The following COL25A1 variants were observed in gnomAD, a reference collection of about 807,000 sequenced individuals.
The protein encoded by COL25A1 is collagen alpha-1(XXV) chain.
In COL25A1, 103 loss-of-function variants were observed where a neutral mutation model predicts 128.4. The observed-to-expected ratio is 0.80, with a 90% CI of 0.68 to 0.94. The LOEUF (loss-of-function observed/expected upper bound fraction) is 0.94, where lower values mean the gene tolerates loss of function less well. COL25A1 is among the 40% of genes least tolerant of loss of function. The pLI is 0.00. For missense variants in COL25A1, 745 were observed against 840.0 expected (o/e 0.89, Z 1.40); for synonymous variants, 279 against 277.2 (o/e 1.01, Z -0.06).
chr4:108,997,138 G>A (rs1298117862), intron 6 of COL25A1, among the ~76,000 whole-genome samples: 1 of 152,174 alleles, frequency 6.6e-6, no homozygotes, highest in Non-Finnish European at 1.5e-5. Context: ...GAGCAGAACT[G>A]AAGGAGATAG....
chr4:108,876,361 C>G (rs1739454150), intron 19 of COL25A1, among the ~76,000 whole-genome samples: 2 of 151,910 alleles, frequency 1.3e-5, no homozygotes, highest in Non-Finnish European at 2.9e-5. Flanking sequence ...TAGAGAGGAA[C>G]AGGCATTTAA....
intron 3 of COL25A1, among the ~76,000 whole-genome samples, chr4:109,165,091 A>G (rs1772939821): frequency 6.6e-6 from 1 of 152,232 alleles, no homozygotes; most frequent in South Asian, 2.1e-4. Context: ...CTTTGCACAT[A>G]GAACTAGACT....
intron 3 of COL25A1, among the ~76,000 whole-genome samples, chr4:109,114,222 A>G (rs990389543): frequency 6.6e-6 from 1 of 152,058 alleles, no homozygotes; most frequent in Non-Finnish European, 1.5e-5. Context: ...TTTACAAGTA[A>G]TATTCCATCA....
chr4:108,815,323 C>T (rs1177405340), intron 37 of COL25A1, among the ~76,000 whole-genome samples: 1 of 151,930 alleles, frequency 6.6e-6, no homozygotes, highest in Non-Finnish European at 1.5e-5. Context: ...GTGATACACC[C>T]AAAAATAGGA....
In COL25A1 at chr4:109,302,507, C is replaced by T. The variant is rs770098595; in HGVS notation, c.-395G>A. On this transcript the variant is annotated 5_prime_UTR_variant, in exon 1 of 38. In the 5' UTR this introduces an upstream ATG that the reference lacks. Coordinates refer to ENST00000399132, the MANE Select transcript of COL25A1 (RefSeq NM_198721.4). ...TTTCGGCACGCCGACCTGTTTCCCA[C>T]CTGCATTCAGTTCAAGGCAAAAAGG... 22 of 163,836 alleles carry T rather than the reference C, an allele frequency of 1.3e-4. No homozygotes were observed. Among genetic ancestry groups the T allele is most frequent in the Non-Finnish European group, 2.8e-4 (21 of 76,140 alleles). The allele number at this position is 163,836 out of a possible 1,614,324, so 10.1% of individuals were successfully genotyped here. A position where few individuals can be genotyped will look rare whatever the true frequency, so the allele number is the denominator to read the frequency against.
At chr4:109,092,956 A>C (rs1043080473) in intron 3 of COL25A1, among the ~76,000 whole-genome samples, 2 of 152,156 alleles carry the variant, frequency 1.3e-5, no homozygotes, top group African/African-American at 4.8e-5. Flanking sequence ...ATTGAAGGTT[A>C]AATGTACTAT....
chr4:109,246,871 G>T (rs145039957), intron 3 of COL25A1, among the ~76,000 whole-genome samples: 30 of 152,210 alleles, frequency 2.0e-4, no homozygotes, highest in African/African-American at 7.2e-4. Context: ...CGTGGAAAAT[G>T]CACAAAATAT....
intron 6 of COL25A1, among the ~76,000 whole-genome samples, chr4:108,991,496 A>G (rs1257345670): frequency 2.0e-5 from 3 of 152,198 alleles, no homozygotes; most frequent in African/African-American, 7.2e-5. Context: ...ATTCTAATAT[A>G]TTAAGACTTT....
At chr4:108,945,310 T>C (rs1748593577) in intron 8 of COL25A1, among the ~76,000 whole-genome samples, 1 of 152,196 alleles carries the variant, frequency 6.6e-6, no homozygotes. Context: ...AGGTAGACAC[T>C]GACTCTGCTT....
At chr4:108,927,104 G>A (rs1325155601) in intron 11 of COL25A1, among the ~76,000 whole-genome samples, 1 of 152,050 alleles carries the variant, frequency 6.6e-6, no homozygotes, top group Admixed American at 6.6e-5. Flanking sequence ...ATTTTCCCAA[G>A]AAGTCCATAT....
chr4:109,111,466 T>C (rs1767011905), intron 3 of COL25A1, among the ~76,000 whole-genome samples: 2 of 152,222 alleles, frequency 1.3e-5, no homozygotes, highest in Non-Finnish European at 2.9e-5. Context: ...ACAACCTGTT[T>C]GTTTTTCTGG....
chr4:108,852,998 A>G, intron 24 of COL25A1, 73 bp from the exon 25 acceptor site: 1 of 1,359,324 alleles, frequency 7.4e-7, no homozygotes, highest in Non-Finnish European at 1.0e-6. Flanking sequence ...ACATTTGTGA[A>G]ATAATCAACT....
chr4:109,203,618 AG>A (rs1776746319), intron 3 of COL25A1, among the ~76,000 whole-genome samples: 1 of 152,176 alleles, frequency 6.6e-6, no homozygotes, highest in African/African-American at 2.4e-5. Context: ...ACAAACAAAA[AG>A]AATCCTACAG....
intron 3 of COL25A1, among the ~76,000 whole-genome samples, chr4:109,103,322 C>G (rs952617747): frequency 2.7e-5 from 4 of 150,780 alleles, no homozygotes; most frequent in Non-Finnish European, 5.9e-5. Context: ...TGTTAACTCT[C>G]TAGACAAATT....
intron 3 of COL25A1, among the ~76,000 whole-genome samples, chr4:109,096,051 T>A (rs1765371383): frequency 6.6e-6 from 1 of 152,208 alleles, no homozygotes; most frequent in African/African-American, 2.4e-5. Context: ...AATGACGGGT[T>A]AGACAGCTAT....
intron 3 of COL25A1, among the ~76,000 whole-genome samples, chr4:109,139,917 T>TA (rs1453406793): frequency 4.8e-5 from 7 of 145,828 alleles, no homozygotes; most frequent in African/African-American, 1.8e-4. Context: ...AGTGAGAACA[T>TA]ATGGTGTTTG....
chr4:109,105,219 A>C (rs1489255617), intron 3 of COL25A1, among the ~76,000 whole-genome samples: 1 of 152,200 alleles, frequency 6.6e-6, no homozygotes, highest in Non-Finnish European at 1.5e-5. Context: ...CACACCTATA[A>C]TACCAGCACT....
chr4:108,853,468 AT>A (rs961516099), intron 24 of COL25A1, among the ~76,000 whole-genome samples: 2 of 151,802 alleles, frequency 1.3e-5, no homozygotes, highest in African/African-American at 2.4e-5. Context: ...TGGCATTCCA[AT>A]TTTTTTGTGA....
intron 18 of COL25A1, 51 bp downstream of exon 18, chr4:108,889,170 T>C (rs1182143399): frequency 1.3e-6 from 2 of 1,484,802 alleles, no homozygotes; most frequent in South Asian, 1.1e-5. Flanking sequence ...ATGGTAGATA[T>C]AAAATGGTGA....
Sources: allele counts gnomAD v4.1 joint callset (sites outside exome capture counted in the v4.1 genomes callset), GRCh38; gene constraint gnomAD v4.1.1; transcripts MANE v1.5; gene names NCBI Gene and HGNC (gene_info 2026-07-23, HGNC 2026-07-21).